TGFBRAP1: variants seen among roughly 807,000 people sequenced by gnomAD.
TGFBRAP1 encodes transforming growth factor-beta receptor-associated protein 1.
In TGFBRAP1, 20 loss-of-function variants were observed where a neutral mutation model predicts 83.2. That is an observed-to-expected ratio of 0.24 (90% CI 0.17 to 0.35). The LOEUF (loss-of-function observed/expected upper bound fraction) is 0.35, where lower values mean the gene tolerates loss of function less well. Among genes scored for constraint, TGFBRAP1 ranks in the 10% least tolerant of loss-of-function variants. The pLI, the probability that TGFBRAP1 is intolerant of heterozygous loss-of-function variation, is 1.00. For missense variants in TGFBRAP1, 950 were observed against 1,099.4 expected (o/e 0.86, Z 1.92); for synonymous variants, 415 against 459.8 (o/e 0.90, Z 1.25).
intron 1 of TGFBRAP1, among the ~76,000 whole-genome samples, chr2:105,321,920 C>T (rs1558657469): frequency 6.6e-6 from 1 of 152,128 alleles, no homozygotes; most frequent in Non-Finnish European, 1.5e-5. Flanking sequence ...TACTCCACTA[C>T]ACTTTTTATC....
At chr2:105,268,237 C>T (rs1677012891) in intron 11 of TGFBRAP1, among the ~76,000 whole-genome samples, 1 of 152,220 alleles carries the variant, frequency 6.6e-6, no homozygotes, top group South Asian at 2.1e-4. Context: ...ATCAGTCATT[C>T]CACAAACACG....
Position 105,307,965 on chromosome 2 carries a change from C to T in TGFBRAP1, c.337G>A (p.Gly113Arg), listed in dbSNP as rs1443993852. Residue 113 changes from glycine to arginine, a missense_variant, in exon 2 of 12, where the codon GGG becomes AGG. Gly to Arg is a moderately radical substitution (Grantham distance 125, BLOSUM62 -2). Coordinates refer to ENST00000393359, the MANE Select transcript of TGFBRAP1 (RefSeq NM_004257.6). ...NMLNLEPVPS[G>R]ARIKGAATFA... ...GTGGCTGCCCCCTTGATGCGGGCCCCCGAAGGCACTGGCTCGAGGTTCAGC... is the reference window on the plus strand; with the variant it reads ...GTGGCTGCCCCCTTGATGCGGGCCCTCGAAGGCACTGGCTCGAGGTTCAGC... 4 of 1,614,254 alleles carry T rather than the reference C, an allele frequency of 2.5e-6. No individual in the cohort carries two copies. The highest frequency in any genetic ancestry group is 3.4e-6 in the Non-Finnish European group (4 of 1,180,050).
chr2:105,290,757 C>T (rs1370694494), intron 4 of TGFBRAP1, among the ~76,000 whole-genome samples: 1 of 152,004 alleles, frequency 6.6e-6, no homozygotes, highest in Non-Finnish European at 1.5e-5. Context: ...GTAGTCCTAG[C>T]ACTTTGGGAG....
At chr2:105,285,092 G>A (rs550819092) in intron 4 of TGFBRAP1, among the ~76,000 whole-genome samples, 1 of 152,176 alleles carries the variant, frequency 6.6e-6, no homozygotes, top group African/African-American at 2.4e-5. Flanking sequence ...TCCTCGTCTT[G>A]CCATTGTCTA....
intron 4 of TGFBRAP1, among the ~76,000 whole-genome samples, chr2:105,286,736 G>T (rs1195994319): frequency 2.6e-5 from 4 of 152,190 alleles, no homozygotes; most frequent in African/African-American, 7.2e-5. Flanking sequence ...ATGGATTCTG[G>T]AAGCAAGTTG....
intron 1 of TGFBRAP1, among the ~76,000 whole-genome samples, chr2:105,316,389 CATTCCAATACAA>C (rs1447309586): frequency 1.3e-5 from 2 of 148,230 alleles, no homozygotes; most frequent in African/African-American, 5.0e-5. Flanking sequence ...AAAAAAATGC[CATTCCAATACAA>C]ACTCTTACAG....
At chr2:105,254,423 C>G in the TGFBRAP1 span, among the ~76,000 whole-genome samples, 3 of 151,984 alleles carry the variant, frequency 2.0e-5, no homozygotes, top group African/African-American at 4.8e-5. Flanking sequence ...ACTTAGGAGG[C>G]ATTATTCAAG....
At chr2:105,325,259 G>A (rs1679191397) in intron 1 of TGFBRAP1, 2 of 152,778 alleles carry the variant, frequency 1.3e-5, no homozygotes, top group East Asian at 1.9e-4. Context: ...TGCAGCCCTG[G>A]CTGACACCCT....
chr2:105,304,996 T>A (rs1678447140), intron 2 of TGFBRAP1, among the ~76,000 whole-genome samples: 1 of 152,172 alleles, frequency 6.6e-6, no homozygotes, highest in Non-Finnish European at 1.5e-5. Context: ...GGATTATGAA[T>A]GACACTACAA....
the TGFBRAP1 span, among the ~76,000 whole-genome samples, chr2:105,250,779 G>C: frequency 6.6e-6 from 1 of 152,132 alleles, no homozygotes; most frequent in Non-Finnish European, 1.5e-5. Context: ...TCAGCCTGCC[G>C]AGTGCCTGCG....
At chr2:105,295,594 C>T (rs1447050874) in intron 4 of TGFBRAP1, among the ~76,000 whole-genome samples, 2 of 151,996 alleles carry the variant, frequency 1.3e-5, no homozygotes, top group Admixed American at 6.6e-5. Flanking sequence ...GGGTGGATCA[C>T]GAGGTCAAGG....
At chr2:105,319,607 A>G (rs918991873) in intron 1 of TGFBRAP1, among the ~76,000 whole-genome samples, 52 of 148,358 alleles carry the variant, frequency 3.5e-4, no homozygotes, top group African/African-American at 1.3e-3. Flanking sequence ...CAGGAGAATC[A>G]CTTGAACCCA....
intron 6 of TGFBRAP1, among the ~76,000 whole-genome samples, chr2:105,278,245 C>G (rs1379998588): frequency 1.3e-5 from 2 of 152,094 alleles, no homozygotes; most frequent in South Asian, 2.1e-4. Context: ...AAAAAGTAAA[C>G]TATGGAAAAA....
intron 1 of TGFBRAP1, among the ~76,000 whole-genome samples, chr2:105,312,196 G>T (rs1482581104): frequency 1.3e-5 from 2 of 151,942 alleles, no homozygotes; most frequent in Admixed American, 6.6e-5. Context: ...TCACTTTAAG[G>T]CTTACCTATA....
chr2:105,322,799 G>A (rs1679106370), intron 1 of TGFBRAP1, among the ~76,000 whole-genome samples: 1 of 152,160 alleles, frequency 6.6e-6, no homozygotes, highest in Non-Finnish European at 1.5e-5. Flanking sequence ...AGATTTCTCA[G>A]ACCATAACCT....
chr2:105,303,065 T>C (rs917725039), intron 2 of TGFBRAP1, among the ~76,000 whole-genome samples: 2 of 152,144 alleles, frequency 1.3e-5, no homozygotes, highest in African/African-American at 2.4e-5. Flanking sequence ...TTTGGTGTGG[T>C]TGAAAGGAGA....
intron 1 of TGFBRAP1, among the ~76,000 whole-genome samples, chr2:105,308,745 A>G (rs1483368668): frequency 6.6e-6 from 1 of 150,846 alleles, no homozygotes; most frequent in East Asian, 2.0e-4. Flanking sequence ...AGCCTGGGCA[A>G]TATAATGAGA....
At chr2:105,323,016 C>T (rs761962124) in intron 1 of TGFBRAP1, among the ~76,000 whole-genome samples, 17 of 152,146 alleles carry the variant, frequency 1.1e-4, no homozygotes, top group Admixed American at 2.0e-4. Context: ...GCTAAATCAC[C>T]GAGGACTCAG....
intron 1 of TGFBRAP1, among the ~76,000 whole-genome samples, chr2:105,319,011 C>A (rs1678971550): frequency 6.6e-6 from 1 of 151,916 alleles, no homozygotes; most frequent in African/African-American, 2.4e-5. Flanking sequence ...AAGGACAGGC[C>A]TCATTAAAAA....
Sources: allele counts gnomAD v4.1 joint callset (sites outside exome capture counted in the v4.1 genomes callset), GRCh38; gene constraint gnomAD v4.1.1; transcripts MANE v1.5; gene names NCBI Gene and HGNC (gene_info 2026-07-23, HGNC 2026-07-21).